ZFHX3: variants seen among roughly 807,000 people sequenced by gnomAD.
ZFHX3 encodes zinc finger homeobox 3.
ZFHX3 carries 42 observed loss-of-function variants against 279.1 expected under a neutral mutation model. The ratio of observed to expected loss-of-function variants is 0.15; its 90% CI spans 0.12 to 0.19. ZFHX3 has a LOEUF of 0.19. Among genes scored for constraint, ZFHX3 ranks in the 10% least tolerant of loss-of-function variants. The pLI is 1.00. For synonymous variants in ZFHX3, 2,293 were observed against 1,957.8 expected (o/e 1.17, Z -4.52); for missense variants, 4,981 against 4,754.0 (o/e 1.05, Z -1.40).
At chr16:73,783,760 G>C (rs1340427742) in intron 1 of ZFHX3, among the ~76,000 whole-genome samples, 1 of 152,148 alleles carries the variant, frequency 6.6e-6, no homozygotes, top group Non-Finnish European at 1.5e-5. Context: ...AATCTGATGA[G>C]ATAGTTACTA....
intron 2 of ZFHX3, among the ~76,000 whole-genome samples, chr16:73,558,880 C>CT (rs1167175673): frequency 1.5e-5 from 2 of 130,036 alleles, no homozygotes; most frequent in Non-Finnish European, 3.3e-5. Flanking sequence ...GCCCAGCTCA[C>CT]TTTTTTTTAT....
In ZFHX3 at chr16:73,237,941, G is replaced by A. The variant is rs146001033; in HGVS notation, c.-1104+19106C>T. On this transcript the variant is annotated intron_variant, in intron 5 of 17. Transcript: ENST00000641206. Reference sequence around the variant, plus strand: ...TGTACTATTTTTACTTCTTCACTCCGCTTTGCATCTCTACCCAGGGCTATC... The same window carrying A: ...TGTACTATTTTTACTTCTTCACTCCACTTTGCATCTCTACCCAGGGCTATC... 1.3e-3 allele frequency among the ~76,000 whole-genome samples: 196 copies of A among 152,012 alleles called. 1 individual carries two copies. Among genetic ancestry groups the A allele is most frequent in the African/African-American group, 4.4e-3 (181 of 41,462 alleles).
chr16:72,895,627 G>A (rs1486301621), intron 3 of ZFHX3, among the ~76,000 whole-genome samples: 1 of 152,202 alleles, frequency 6.6e-6, no homozygotes, highest in African/African-American at 2.4e-5. Context: ...TTCAAGAGCA[G>A]CCTGGGCAAC....
chr16:73,659,476 A>T (rs2052757189), intron 2 of ZFHX3, among the ~76,000 whole-genome samples: 1 of 152,124 alleles, frequency 6.6e-6, no homozygotes, highest in Non-Finnish European at 1.5e-5. Context: ...AAGAAAAACG[A>T]AGAGAAGTAA....
intron 1 of ZFHX3, among the ~76,000 whole-genome samples, chr16:73,884,837 T>C (rs556622956): frequency 8.5e-5 from 13 of 152,206 alleles, no homozygotes; most frequent in Non-Finnish European, 1.8e-4. Flanking sequence ...AAAGTAATGA[T>C]AGTCATCTAT....
intron 1 of ZFHX3, among the ~76,000 whole-genome samples, chr16:73,808,723 G>C (rs75838671): frequency 0.057 from 8,708 of 152,232 alleles, 553 homozygotes; most frequent in African/African-American, 0.16. Context: ...TTAGAGGGGA[G>C]GGGAAAGAGG....
chr16:73,788,442 G>T (rs187309457), intron 1 of ZFHX3, among the ~76,000 whole-genome samples: 1 of 152,100 alleles, frequency 6.6e-6, no homozygotes, highest in Non-Finnish European at 1.5e-5. Context: ...GTCAGGGTTG[G>T]GGGTAGGTGA....
At chr16:72,995,017 T>C (rs1275591455) in intron 1 of ZFHX3, among the ~76,000 whole-genome samples, 1 of 152,164 alleles carries the variant, frequency 6.6e-6, no homozygotes, top group Non-Finnish European at 1.5e-5. Flanking sequence ...ATCCTCAGCC[T>C]TCCCCGTAAT....
chr16:73,119,653 G>C (rs1053105818), intron 7 of ZFHX3, among the ~76,000 whole-genome samples: 3 of 152,192 alleles, frequency 2.0e-5, no homozygotes, highest in African/African-American at 7.2e-5. Flanking sequence ...ATTTCTAACA[G>C]TTACATCATA....
chr16:72,938,307 G>A (rs1960227823), intron 3 of ZFHX3, among the ~76,000 whole-genome samples: 1 of 152,270 alleles, frequency 6.6e-6, no homozygotes. Context: ...CAGGGCGTGT[G>A]TAACCAAATC....
chr16:73,718,749 G>A (rs2142235420), intron 1 of ZFHX3, among the ~76,000 whole-genome samples: 1 of 151,886 alleles, frequency 6.6e-6, no homozygotes, highest in South Asian at 2.1e-4. Context: ...CTGAGTAGCT[G>A]GGACTACAGG....
rs537718120 is a variant in ZFHX3, at chr16:73,138,334, A to G, written c.-1024+5418T>C. On this transcript the variant is annotated intron_variant, in intron 6 of 17. Transcript: ENST00000641206. ...AAGTTAATCAACGTTTGGGCCCTGT[A>G]TAGAGAAAAGCAACAAGGAAGGAAA... Among the ~76,000 whole-genome samples, 392 of 152,194 alleles carry G rather than the reference A, an allele frequency of 2.6e-3. 2 individuals carry two copies. Among genetic ancestry groups the G allele is most frequent in the African/African-American group, 8.4e-3 (347 of 41,514 alleles).
At chr16:73,055,692 GCGCGCGCACACACA>G (rs1398327085) in intron 1 of ZFHX3, among the ~76,000 whole-genome samples, 1 of 95,196 alleles carries the variant, frequency 1.1e-5, no homozygotes, top group Non-Finnish European at 2.3e-5. Flanking sequence ...GCGCGCGCGC[GCGCGCGCACACACA>G]CACACACACA....
Position 72,795,768 on chromosome 16 carries a change from C to G in ZFHX3, c.6914G>C (p.Gly2305Ala). 6.2e-7 allele frequency: 1 copy of G among 1,614,202 alleles called. No individual in the cohort carries two copies. The highest frequency in any genetic ancestry group is 8.5e-7 in the Non-Finnish European group (1 of 1,180,040). The change falls in exon 9 of 10, where the codon GGA (glycine) becomes GCA (alanine). Residue 2305 changes from glycine (G) to alanine (A), a missense_variant. By Grantham distance (60) the Gly-to-Ala change is moderately conservative. Around this residue, in one of 7 missense-constraint regions of ZFHX3, gnomAD observed 177 missense variants for 244.2 expected, o/e 0.72. Coordinates refer to ENST00000268489, the MANE Select transcript of ZFHX3 (RefSeq NM_006885.4). ...ACGCCGCTCTCCATCTTTGCCCTCT[C>G]CCTGATTCTCATAATTCTTCCTGGC... ...QKARKNYENQ[G>A]EGKDGERREL...
intron 1 of ZFHX3, among the ~76,000 whole-genome samples, chr16:72,966,991 C>T (rs1389233241): frequency 6.6e-6 from 1 of 152,176 alleles, no homozygotes; most frequent in Non-Finnish European, 1.5e-5. Flanking sequence ...AGATTCTTCT[C>T]ATTCCTGGGT....
intron 8 of ZFHX3, among the ~76,000 whole-genome samples, chr16:73,070,894 G>T (rs1965815364): frequency 6.8e-6 from 1 of 147,604 alleles, no homozygotes; most frequent in Non-Finnish European, 1.5e-5. Flanking sequence ...TTCCCCTTGC[G>T]GGCTGGTTCC....
At chr16:73,530,250 CAGT>C (rs990540042) in intron 2 of ZFHX3, among the ~76,000 whole-genome samples, 40 of 152,226 alleles carry the variant, frequency 2.6e-4, no homozygotes, top group African/African-American at 8.7e-4. Context: ...ACCATGAGAA[CAGT>C]ATGGGGGAAA....
intron 1 of ZFHX3, among the ~76,000 whole-genome samples, chr16:72,999,483 A>C (rs1385512808): frequency 1.3e-5 from 2 of 152,210 alleles, no homozygotes; most frequent in African/African-American, 4.8e-5. Flanking sequence ...GGCACAAACA[A>C]ACACAGGACA....
intron 1 of ZFHX3, among the ~76,000 whole-genome samples, chr16:73,016,890 T>C (rs572647540): frequency 6.6e-6 from 1 of 151,918 alleles, no homozygotes; most frequent in East Asian, 1.9e-4. Context: ...CCAAGAGAGT[T>C]TGCTGAACAC....
Sources: allele counts gnomAD v4.1 joint callset (sites outside exome capture counted in the v4.1 genomes callset), GRCh38; gene constraint gnomAD v4.1.1; regional missense constraint gnomAD v4.1.1; transcripts MANE v1.5; gene names NCBI Gene and HGNC (gene_info 2026-07-23, HGNC 2026-07-21).